PLXDC2: variants seen among roughly 807,000 people sequenced by gnomAD.
PLXDC2 encodes the protein plexin domain containing 2.
Under a neutral mutation model 68.9 loss-of-function variants are expected in PLXDC2, and 40 were observed. The ratio of observed to expected loss-of-function variants is 0.58; its 90% CI spans 0.45 to 0.76. PLXDC2 has a LOEUF of 0.76. PLXDC2 is among the 30% of genes least tolerant of loss of function. The pLI, the probability that PLXDC2 is intolerant of heterozygous loss-of-function variation, is 0.00. For synonymous variants in PLXDC2, 243 were observed against 234.2 expected (o/e 1.04, Z -0.34); for missense variants, 644 against 661.9 (o/e 0.97, Z 0.30).
chr10:20,289,440 G>T lies in PLXDC2; in HGVS notation c.*9621G>T, dbSNP rs1836201834. The T allele has an allele frequency of 6.6e-6, 1 of 152,168 alleles. No individual in the cohort carries two copies. The highest frequency in any genetic ancestry group is 2.1e-4 in the South Asian group (1 of 4,832). 9.4% of individuals were successfully genotyped at this position (152,168 alleles called of 1,614,324 possible). ...GCCTCTGTCACTAATCTTGCTTTAT[G>T]AACTCCTTTGATTTTCTGAATAAGT... On this transcript the variant is annotated 3_prime_UTR_variant, in exon 14 of 14. Coordinates refer to ENST00000377252, the MANE Select transcript of PLXDC2 (RefSeq NM_032812.9).
intron 4 of PLXDC2, among the ~76,000 whole-genome samples, chr10:20,090,601 C>T (rs150667948): frequency 6.6e-6 from 1 of 152,066 alleles, no homozygotes; most frequent in Non-Finnish European, 1.5e-5. Flanking sequence ...TTTAATGCCT[C>T]CAGTAGAGTG....
intron 7 of PLXDC2, among the ~76,000 whole-genome samples, chr10:20,171,595 T>A (rs1461827581): frequency 6.6e-6 from 1 of 152,200 alleles, no homozygotes; most frequent in African/African-American, 2.4e-5. Flanking sequence ...TGACTCTGAC[T>A]TGATTTTTAA....
intron 2 of PLXDC2, among the ~76,000 whole-genome samples, chr10:20,037,219 G>T (rs1383039052): frequency 1.3e-5 from 2 of 152,058 alleles, no homozygotes; most frequent in African/African-American, 4.8e-5. Flanking sequence ...ATGTATTTTA[G>T]TAGAAATCTC....
chr10:20,162,632 C>A (rs1834320341), intron 6 of PLXDC2, among the ~76,000 whole-genome samples: 3 of 152,058 alleles, frequency 2.0e-5, no homozygotes, highest in African/African-American at 2.4e-5. Context: ...TATGTTTTAA[C>A]TGTAAGTCTG....
intron 1 of PLXDC2, among the ~76,000 whole-genome samples, chr10:19,823,817 T>C (rs923889803): frequency 3.9e-5 from 6 of 152,080 alleles, no homozygotes; most frequent in Non-Finnish European, 5.9e-5. Flanking sequence ...GGAAGAGACC[T>C]CATCTCTACA....
At chr10:19,853,966 T>C (rs1381390666) in intron 1 of PLXDC2, among the ~76,000 whole-genome samples, 27 of 152,198 alleles carry the variant, frequency 1.8e-4, no homozygotes, top group Admixed American at 1.7e-3. Context: ...ATTTCCCTGA[T>C]TCTGGTTGAG....
intron 1 of PLXDC2, among the ~76,000 whole-genome samples, chr10:19,954,370 T>C (rs1834035420): frequency 6.6e-6 from 1 of 152,216 alleles, no homozygotes; most frequent in Non-Finnish European, 1.5e-5. Context: ...AATTGGTAAA[T>C]GCTATTTGAG....
At chr10:20,271,503 T>G (rs953886036) in intron 13 of PLXDC2, among the ~76,000 whole-genome samples, 5 of 152,180 alleles carry the variant, frequency 3.3e-5, no homozygotes, top group Non-Finnish European at 7.4e-5. Flanking sequence ...GACTTTCCAA[T>G]GGAAATTAGA....
At chr10:19,950,922 A>T (rs952228600) in intron 1 of PLXDC2, among the ~76,000 whole-genome samples, 1 of 152,144 alleles carries the variant, frequency 6.6e-6, no homozygotes, top group Admixed American at 6.5e-5. Flanking sequence ...AATAAATGGT[A>T]CTGGGACAAC....
intron 4 of PLXDC2, among the ~76,000 whole-genome samples, chr10:20,116,694 A>T (rs540202843): frequency 6.6e-6 from 1 of 152,334 alleles, no homozygotes; most frequent in African/African-American, 2.4e-5. Context: ...GTATGATGTC[A>T]CTAGAAGTAA....
intron 4 of PLXDC2, among the ~76,000 whole-genome samples, chr10:20,102,046 C>CA: frequency 6.6e-6 from 1 of 152,112 alleles, no homozygotes; most frequent in Non-Finnish European, 1.5e-5. Flanking sequence ...ATTTGATCCT[C>CA]CCGCCTCGCC....
intron 1 of PLXDC2, among the ~76,000 whole-genome samples, chr10:19,953,208 AC>A (rs1402460718): frequency 6.6e-6 from 1 of 152,228 alleles, no homozygotes; most frequent in Non-Finnish European, 1.5e-5. Flanking sequence ...CCTTATTTAT[AC>A]AACTAGTTAG....
chr10:20,014,234 CTCCT>C (rs975884527), intron 2 of PLXDC2, among the ~76,000 whole-genome samples: 20 of 128,656 alleles, frequency 1.6e-4, no homozygotes, highest in South Asian at 1.3e-3. Context: ...CCTTCCTTCC[CTCCT>C]TCCTTCCTTC....
chr10:20,066,483 A>T (rs1277645813), intron 3 of PLXDC2, among the ~76,000 whole-genome samples: 1 of 152,236 alleles, frequency 6.6e-6, no homozygotes, highest in Non-Finnish European at 1.5e-5. Flanking sequence ...GGAAAACAAT[A>T]TAATAAGCAA....
At chr10:19,854,313 A>G (rs919749545) in intron 1 of PLXDC2, among the ~76,000 whole-genome samples, 1 of 152,214 alleles carries the variant, frequency 6.6e-6, no homozygotes, top group African/African-American at 2.4e-5. Context: ...TCTTTCCACA[A>G]CAACCAGACT....
In PLXDC2 at chr10:20,048,787, C is replaced by T. The variant is rs540960858; in HGVS notation, c.471+1772C>T. Among the ~76,000 whole-genome samples the T allele has an allele frequency of 1.6e-4, 25 of 152,204 alleles. No individual in the cohort carries two copies. In the South Asian group the frequency reaches 5.2e-3, roughly 32 times the overall value. ...GTAAGACAGTTTGTGTCCTGCCTCTCCTTAAAGAAGCCTGTTCTCTTTGCA... is the reference window on the plus strand; with the variant it reads ...GTAAGACAGTTTGTGTCCTGCCTCTTCTTAAAGAAGCCTGTTCTCTTTGCA... On this transcript the variant is annotated intron_variant, in intron 3 of 13. Coordinates refer to ENST00000377252, the MANE Select transcript of PLXDC2 (RefSeq NM_032812.9).
chr10:20,170,140 A>G (rs996471748), intron 7 of PLXDC2, among the ~76,000 whole-genome samples: 2 of 152,182 alleles, frequency 1.3e-5, no homozygotes, highest in Admixed American at 1.3e-4. Flanking sequence ...GAACAATTAT[A>G]GGTATATATT....
chr10:19,985,767 C>G (rs563670179), intron 1 of PLXDC2, among the ~76,000 whole-genome samples: 2 of 152,192 alleles, frequency 1.3e-5, no homozygotes, highest in Non-Finnish European at 2.9e-5. Context: ...TCAATAATAG[C>G]GGAGGTGATC....
chr10:20,170,505 T>A (rs1347737556), intron 7 of PLXDC2, among the ~76,000 whole-genome samples: 1 of 152,190 alleles, frequency 6.6e-6, no homozygotes, highest in Non-Finnish European at 1.5e-5. Flanking sequence ...AGTAATTTTT[T>A]AAAATTACTT....
Sources: gnomAD v4.1 joint callset for allele counts (sites outside exome capture counted in the v4.1 genomes callset) on GRCh38, gnomAD v4.1.1 for gene constraint, MANE v1.5 for transcripts, NCBI Gene and HGNC (gene_info 2026-07-23, HGNC 2026-07-21) for gene names.